The following PGM5 variants were observed in gnomAD, a reference collection of about 807,000 sequenced individuals.
The protein encoded by PGM5 is phosphoglucomutase 5.
A neutral mutation model predicts 59.2 loss-of-function variants in PGM5; 23 were observed. The observed-to-expected ratio is 0.39, with a 90% confidence interval of 0.28 to 0.55. PGM5 has a LOEUF of 0.55. Among genes scored for constraint, PGM5 ranks in the 20% least tolerant of loss-of-function variants. PGM5 has a pLI of 0.66. For synonymous variants in PGM5, 214 were observed against 286.0 expected (o/e 0.75, Z 2.54); for missense variants, 574 against 748.3 (o/e 0.77, Z 2.72).
chr9:68,376,811 T>TTTCTTTCTTTCTTTC (rs1821910606), intron 1 of PGM5, among the ~76,000 whole-genome samples: 1 of 111,838 alleles, frequency 8.9e-6, no homozygotes, highest in African/African-American at 3.7e-5. Context: ...CTTTCTTTCT[T>TTTCTTTCTTTCTTTC]TCTTTCTTTC....
chr9:68,527,049 G>C (rs1354847061), intron 10 of PGM5, among the ~76,000 whole-genome samples: 5 of 152,214 alleles, frequency 3.3e-5, no homozygotes, highest in African/African-American at 1.2e-4. Flanking sequence ...AGCTACGGAC[G>C]TGAGTCAGGA....
At chr9:68,527,349 C>T (rs909353763) in intron 10 of PGM5, among the ~76,000 whole-genome samples, 1 of 152,160 alleles carries the variant, frequency 6.6e-6, no homozygotes, top group Non-Finnish European at 1.5e-5. Context: ...TCTAAAACCT[C>T]AGCTAAAGTG....
At chr9:68,441,513 A>G (rs1440114316) in intron 6 of PGM5, among the ~76,000 whole-genome samples, 2 of 152,150 alleles carry the variant, frequency 1.3e-5, no homozygotes, top group Admixed American at 1.3e-4. Context: ...TTTAAGGAGA[A>G]AGACCACATG....
intron 6 of PGM5, among the ~76,000 whole-genome samples, chr9:68,408,930 T>C (rs1246420364): frequency 1.3e-5 from 2 of 152,126 alleles, no homozygotes; most frequent in South Asian, 2.1e-4. Context: ...GTTCCATTGA[T>C]CTATATCTCT....
intron 6 of PGM5, among the ~76,000 whole-genome samples, chr9:68,424,304 C>T (rs1380817490): frequency 1.3e-5 from 2 of 152,182 alleles, no homozygotes; most frequent in African/African-American, 4.8e-5. Context: ...TTATTTCTCA[C>T]AGTACTGAAA....
intron 6 of PGM5, among the ~76,000 whole-genome samples, chr9:68,425,181 A>G (rs1823213503): frequency 6.6e-6 from 1 of 152,212 alleles, no homozygotes; most frequent in South Asian, 2.1e-4. Context: ...AAGTTTAGGA[A>G]CAAGCCAGAG....
At position 68,512,624 on chromosome 9, in the gene PGM5, C is replaced by T. The variant is rs537929745; in HGVS notation, c.1614+13263C>T. Among the ~76,000 whole-genome samples the T allele has an allele frequency of 7.2e-5, 11 of 152,240 alleles. No individual in the cohort carries two copies. In the South Asian group the frequency reaches 2.1e-3, roughly 29 times the overall value. On this transcript the variant is annotated intron_variant, in intron 10 of 10. Transcript: ENST00000396396. Reference sequence around the variant, plus strand: ...TGTGTGTCTCTGGGTCCAAATTTCCCCTTTTAATAAGGACACCAGTCATAT... The same window carrying T: ...TGTGTGTCTCTGGGTCCAAATTTCCTCTTTTAATAAGGACACCAGTCATAT...
intron 1 of PGM5, among the ~76,000 whole-genome samples, chr9:68,367,914 G>C (rs781964059): frequency 0.04 from 6,121 of 151,228 alleles, 124 homozygotes; most frequent in Non-Finnish European, 0.048. Flanking sequence ...ACCTATAAAT[G>C]TATATGTATA....
intron 6 of PGM5, among the ~76,000 whole-genome samples, chr9:68,464,187 T>C (rs578127693): frequency 1.3e-5 from 2 of 152,356 alleles, no homozygotes; most frequent in East Asian, 1.9e-4. Context: ...TAAAATCTTA[T>C]ATATACACCC....
At chr9:68,509,341 G>A (rs915289856) in intron 10 of PGM5, among the ~76,000 whole-genome samples, 5 of 152,172 alleles carry the variant, frequency 3.3e-5, no homozygotes, top group African/African-American at 9.7e-5. Flanking sequence ...TTCTGGTATC[G>A]TGTTTGTGTT....
intron 10 of PGM5, among the ~76,000 whole-genome samples, chr9:68,503,131 C>T (rs572913184): frequency 6.6e-6 from 1 of 152,180 alleles, no homozygotes; most frequent in South Asian, 2.1e-4. Context: ...ACTTTGTAAT[C>T]CAGAAATAAA....
chr9:68,506,463 G>A (rs1226625319), intron 10 of PGM5, among the ~76,000 whole-genome samples: 1 of 152,152 alleles, frequency 6.6e-6, no homozygotes, highest in Non-Finnish European at 1.5e-5. Flanking sequence ...CCTTTGCTCA[G>A]TTAAACTCTT....
chr9:68,416,929 A>T (rs11141997), intron 6 of PGM5, among the ~76,000 whole-genome samples: 6,960 of 152,294 alleles, frequency 0.046, 576 homozygotes, highest in East Asian at 0.4. Context: ...TACAAAGAAA[A>T]TTTTATCTCA....
In PGM5 at chr9:68,529,655, GA is replaced by G; in HGVS notation, c.*1del. 6.3e-7 allele frequency: 1 copy of G among 1,582,646 alleles called. No homozygotes were observed. The highest frequency in any genetic ancestry group is 8.6e-7 in the Non-Finnish European group (1 of 1,159,544). On this transcript the variant is annotated frameshift_variant and stop_lost, in exon 11 of 11. Coordinates refer to ENST00000396396, the MANE Select transcript of PGM5 (RefSeq NM_021965.4). LOFTEE classifies it high-confidence loss of function. ...TGRRGPTVIT* is the reference protein window; with the variant it reads ...TGRRGPTVITX ...CGGAGGGGACCCACTGTCATCACCT[GA>G]ATAGAGGAAAGATCACTCACCAGGG...
intron 10 of PGM5, 66 bp downstream of exon 10, chr9:68,499,427 G>T (rs1224461376): frequency 3.3e-6 from 5 of 1,528,758 alleles, no homozygotes; most frequent in Non-Finnish European, 4.5e-6. Flanking sequence ...AGAGCTCCAT[G>T]GGCCTTTAGT....
At chr9:68,494,029 G>T (rs188861956) in intron 9 of PGM5, among the ~76,000 whole-genome samples, 1 of 152,218 alleles carries the variant, frequency 6.6e-6, no homozygotes, top group East Asian at 1.9e-4. Context: ...GAACTGAAGT[G>T]CTCTTTTGAT....
At chr9:68,374,622 G>A (rs1416533502) in intron 1 of PGM5, among the ~76,000 whole-genome samples, 1 of 151,054 alleles carries the variant, frequency 6.6e-6, no homozygotes, top group Non-Finnish European at 1.5e-5. Context: ...TCAGTCACTT[G>A]GCTGGCAAGG....
At position 68,530,272 on chromosome 9, in the gene PGM5, T is replaced by C. The variant is rs1399221006; in HGVS notation, c.*616T>C. The C allele has an allele frequency of 3.9e-5, 6 of 152,344 alleles. No individual in the cohort carries two copies. Among genetic ancestry groups the C allele is most frequent in the Middle Eastern group, 6.8e-3 (2 of 296 alleles). The allele number at this position is 152,344 out of a possible 1,614,324, so 9.4% of individuals were successfully genotyped here. The stretch of plus-strand genomic sequence containing the variant: ...TTCTAAAGCTTTGTACAAATCACAA[T>C]GGTGCACTTCCAACAAAATATATCA... On this transcript the variant is annotated 3_prime_UTR_variant, in exon 11 of 11. Coordinates refer to ENST00000396396, the MANE Select transcript of PGM5 (RefSeq NM_021965.4).
chr9:68,462,639 G>A (rs1377120797), intron 6 of PGM5, among the ~76,000 whole-genome samples: 3 of 152,008 alleles, frequency 2.0e-5, no homozygotes, highest in Non-Finnish European at 4.4e-5. Context: ...TGCCAACTTG[G>A]CTTTGAACCT....
Sources: gnomAD v4.1 joint callset for allele counts (sites outside exome capture counted in the v4.1 genomes callset) on GRCh38, gnomAD v4.1.1 for gene constraint, MANE v1.5 for transcripts, NCBI Gene and HGNC (gene_info 2026-07-23, HGNC 2026-07-21) for gene names.